The following TDP2 variants were observed in gnomAD, a reference collection of about 807,000 sequenced individuals.
The protein encoded by TDP2 is tyrosyl-DNA phosphodiesterase 2.
TDP2 carries 38 observed loss-of-function variants against 42.8 expected under a neutral mutation model. The ratio of observed to expected loss-of-function variants is 0.89; its 90% CI spans 0.68 to 1.16. TDP2 has a LOEUF of 1.16. Ranked by LOEUF, TDP2 falls within the 50% of genes most tolerant of loss-of-function variation. TDP2 has a pLI of 0.00. For missense variants in TDP2, 439 were observed against 439.3 expected, an observed-to-expected ratio of 1.00 and a Z score of 0.01; for synonymous variants, 173 against 150.6, an observed-to-expected ratio of 1.15 and a Z score of -1.09.
chr6:24,666,669 A>G, intron 1 of TDP2, 29 bp downstream of exon 1: 1 of 1,614,112 alleles, frequency 6.2e-7, no homozygotes, highest in Non-Finnish European at 8.5e-7. Flanking sequence ...TAGGTAATGG[A>G]GCCGGAAGCG....
At chr6:24,666,315 C>A in intron 2 of TDP2, 1 of 1,521,446 alleles carries the variant, frequency 6.6e-7, no homozygotes. Flanking sequence ...AAATCACGTT[C>A]GAAGCGACAG....
chr6:24,665,733 G>C (rs563219210), intron 2 of TDP2, among the ~76,000 whole-genome samples: 1 of 152,160 alleles, frequency 6.6e-6, no homozygotes, highest in Non-Finnish European at 1.5e-5. Flanking sequence ...CTAAGGTATT[G>C]TAACAGGGGT....
chr6:24,652,230 A>G (rs1777986145), intron 6 of TDP2, among the ~76,000 whole-genome samples: 1 of 152,184 alleles, frequency 6.6e-6, no homozygotes, highest in Non-Finnish European at 1.5e-5. Context: ...ATAATATTCC[A>G]CTGTATACAT....
rs899021574 is a variant in TDP2 at position 24,666,503 on chromosome 6, C to T, written c.251+23G>A. 3.1e-6 allele frequency: 5 copies of T among 1,611,150 alleles called. No homozygotes were observed. In the African/African-American group the frequency reaches 4.0e-5, roughly 13 times the overall value. ...ATCAAACTGCCTCCGTGCGGACTGGCTCCCGCTCCCCTCATCACTTACTAG... is the reference window on the plus strand; with the variant it reads ...ATCAAACTGCCTCCGTGCGGACTGGTTCCCGCTCCCCTCATCACTTACTAG... On this transcript the variant is annotated intron_variant, in intron 2 of 6. Coordinates refer to ENST00000378198, the MANE Select transcript of TDP2 (RefSeq NM_016614.3).
At chr6:24,662,339 G>A (rs968067397) in intron 2 of TDP2, among the ~76,000 whole-genome samples, 4 of 152,042 alleles carry the variant, frequency 2.6e-5, no homozygotes, top group African/African-American at 9.7e-5. Flanking sequence ...GGAATGTCTC[G>A]GTATAAAACC....
chr6:24,654,961 C>T (rs1778040736), intron 4 of TDP2, among the ~76,000 whole-genome samples: 1 of 152,168 alleles, frequency 6.6e-6, no homozygotes, highest in South Asian at 2.1e-4. Context: ...TCACTTGAAC[C>T]TGGGAGGCAG....
In TDP2 at chr6:24,666,554, G is replaced by C. The variant is rs1474863338; in HGVS notation, c.223C>G (p.Pro75Ala). 4 of 1,614,022 alleles carry C rather than the reference G, an allele frequency of 2.5e-6. No individual in the cohort carries two copies. The African/African-American group carries it at 5.3e-5, about 22-fold the overall frequency. The change falls in exon 2 of 7, where the codon CCT becomes GCT. Residue 75 changes from proline to alanine, a missense_variant. Physicochemically the swap from Pro to Ala is conservative, Grantham distance 27. Coordinates refer to ENST00000378198, the MANE Select transcript of TDP2 (RefSeq NM_016614.3). The stretch of plus-strand genomic sequence containing the variant: ...GTCTTGGGCTCAGAGATGGTTTCAG[G>C]TCGGCGTTCCAAGGCGCTCTCCTCC... Reference protein sequence around the residue: ...PVEESALERRPETISEPKTYV... With the variant: ...PVEESALERRAETISEPKTYV...
At position 24,658,003 on chromosome 6, in the gene TDP2, C is replaced by A. The variant is rs528341850; in HGVS notation, c.426-100G>T. ...CCACAACATACCAAAAACAAAAAACCCTCTAGGGCACCTAATATTGAGTGT... is the reference window on the plus strand; with the variant it reads ...CCACAACATACCAAAAACAAAAAACACTCTAGGGCACCTAATATTGAGTGT... On this transcript the variant is annotated intron_variant, in intron 3 of 6. Transcript: ENST00000378198. 54 of 714,676 alleles carry A rather than the reference C, an allele frequency of 7.6e-5. No individual in the cohort carries two copies. The Admixed American group carries it at 8.5e-4, about 11-fold the overall frequency. The allele number at this position is 714,676 out of a possible 1,614,324, so 44.3% of individuals were successfully genotyped here.
intron 4 of TDP2, among the ~76,000 whole-genome samples, chr6:24,654,866 C>A (rs1317641142): frequency 6.6e-6 from 1 of 152,052 alleles, no homozygotes; most frequent in Non-Finnish European, 1.5e-5. Context: ...AATGGAGAAA[C>A]CCTGCCTCTA....
At chr6:24,657,949 C>G (rs1778082376) in intron 3 of TDP2, 46 bp from the exon 4 acceptor site, 1 of 1,306,144 alleles carries the variant, frequency 7.7e-7, no homozygotes, top group African/African-American at 1.5e-5. Flanking sequence ...TATACCATTT[C>G]ATTTTCAGCT....
intron 2 of TDP2, among the ~76,000 whole-genome samples, chr6:24,660,163 C>T (rs1379362695): frequency 1.3e-5 from 2 of 152,198 alleles, no homozygotes; most frequent in Non-Finnish European, 2.9e-5. Flanking sequence ...TAACATTTTA[C>T]TTAACATTTA....
intron 6 of TDP2, among the ~76,000 whole-genome samples, chr6:24,652,418 C>T (rs1777988211): frequency 6.6e-6 from 1 of 152,074 alleles, no homozygotes; most frequent in African/African-American, 2.4e-5. Context: ...ATTAGTAATT[C>T]CATGTTTAAT....
intron 6 of TDP2, among the ~76,000 whole-genome samples, chr6:24,652,050 C>T (rs1367912313): frequency 6.6e-6 from 1 of 152,228 alleles, no homozygotes; most frequent in Non-Finnish European, 1.5e-5. Context: ...CAGTCCCTGG[C>T]AAACACCATT....
At chr6:24,652,930 A>AC (rs1451169734) in intron 6 of TDP2, 53 bp downstream of exon 6, 2 of 1,591,072 alleles carry the variant, frequency 1.3e-6, no homozygotes, top group East Asian at 2.2e-5. Context: ...AACCTAAATT[A>AC]GTCTCCATAG....
intron 6 of TDP2, among the ~76,000 whole-genome samples, chr6:24,652,195 CAA>C (rs1182884664): frequency 6.6e-6 from 1 of 152,172 alleles, no homozygotes; most frequent in Non-Finnish European, 1.5e-5. Flanking sequence ...TAGCATGTGT[CAA>C]AGTTTCTTCA....
At chr6:24,653,523 G>T (rs1352137348) in intron 5 of TDP2, among the ~76,000 whole-genome samples, 1 of 152,180 alleles carries the variant, frequency 6.6e-6, no homozygotes, top group Non-Finnish European at 1.5e-5. Context: ...TAAGTCATTT[G>T]CAAAGCAGAG....
intron 2 of TDP2, among the ~76,000 whole-genome samples, chr6:24,664,451 T>C (rs577612860): frequency 6.6e-6 from 1 of 152,148 alleles, no homozygotes; most frequent in African/African-American, 2.4e-5. Context: ...AGATTCAGCA[T>C]AGCTGTTTTA....
chr6:24,657,849 G>A lies in TDP2; in HGVS notation c.480C>T (p.Tyr160=), dbSNP rs1778081123. ...LQEVIPPYYS[Y]LKKRSSNYEI... ...CATAATTACTTGATCTCTTCTTTAG[G>A]TAGCTATAATATGGGGGAATAACTT... Residue 160 remains tyrosine (Y), a synonymous_variant, in exon 4 of 7, where the codon TAC becomes TAT. Transcript: ENST00000378198. 2 of 1,582,414 alleles carry A rather than the reference G, an allele frequency of 1.3e-6. No individual in the cohort carries two copies. The highest frequency in any genetic ancestry group is 2.7e-5 in the African/African-American group (2 of 72,968).
At chr6:24,658,827 T>C (rs1778097414) in intron 2 of TDP2, 93 bp from the exon 3 acceptor site, 1 of 1,341,360 alleles carries the variant, frequency 7.5e-7, no homozygotes, top group Admixed American at 2.2e-5. Context: ...TACAGACAAA[T>C]TTTAAAAGAG....
Sources: allele counts gnomAD v4.1 joint callset (sites outside exome capture counted in the v4.1 genomes callset), GRCh38; gene constraint gnomAD v4.1.1; transcripts MANE v1.5; gene names NCBI Gene and HGNC (gene_info 2026-07-23, HGNC 2026-07-21).